CARD14: variants seen among roughly 807,000 people sequenced by gnomAD.
CARD14 encodes caspase recruitment domain family member 14, also known as caspase recruitment domain-containing protein 14.
A neutral mutation model predicts 111.5 loss-of-function variants in CARD14; 107 were observed. The ratio of observed to expected loss-of-function variants is 0.96; its 90% CI spans 0.82 to 1.13. The LOEUF (loss-of-function observed/expected upper bound fraction) is 1.13. Among genes scored for constraint, CARD14 ranks in the 50% most tolerant of loss-of-function variants. CARD14 has a pLI of 0.00. For missense variants in CARD14, 1,322 were observed against 1,362.3 expected, an observed-to-expected ratio of 0.97 and a Z score of 0.47; for synonymous variants, 617 against 579.6, an observed-to-expected ratio of 1.06 and a Z score of -0.93.
chr17:80,208,274 C>G lies in CARD14; in HGVS notation c.2944C>G (p.Leu982Val). The stretch of plus-strand genomic sequence containing the variant: ...CGGCTGGAGCGACCTGGACGGCCTG[C>G]TCAGCTGTGTCCGCCAGGCCATCGC... ...PDGWSDLDGL[L>V]SCVRQAIADE... Residue 982 changes from leucine to valine, a missense_variant, in exon 24 of 24, where the codon CTC (leucine) becomes GTC (valine). Coordinates refer to ENST00000648509, the MANE Select transcript of CARD14 (RefSeq NM_001366385.1). 1 of 1,597,640 alleles carries G rather than the reference C, an allele frequency of 6.3e-7. No homozygotes were observed. Among genetic ancestry groups the G allele is most frequent in the Non-Finnish European group, 8.5e-7 (1 of 1,173,864 alleles).
rs1295470286 is a variant in CARD14, at chr17:80,198,161, A to G, written c.1657A>G (p.Ser553Gly). The G allele has an allele frequency of 1.9e-6, 3 of 1,613,816 alleles. No homozygotes were observed. The highest frequency in any genetic ancestry group is 8.5e-7 in the Non-Finnish European group (1 of 1,179,984). ...CCCTGGAAGGCTTGATGTCTCGGAG[A>G]GGTAAGCAGCAGGTGGGAATCCTCC... ...VSPGRLDVSE[S>G]GVLMRRRPAR... Residue 553 changes from serine to glycine, a missense_variant and splice_region_variant, in exon 15 of 24, where the codon AGC becomes GGC. By Grantham distance (56) the Ser-to-Gly change is moderately conservative. Transcript: ENST00000648509. This position sits in a 1 kb window ranked among gnomAD's most constrained non-coding sequence, Gnocchi z 7.5.
At position 80,179,085 on chromosome 17, in the gene CARD14, G is replaced by C. The variant is rs2040092200; in HGVS notation, c.-218-19G>C. The C allele has an allele frequency of 6.6e-6, 1 of 152,162 alleles. No individual in the cohort carries two copies. Among genetic ancestry groups the C allele is most frequent in the African/African-American group, 2.4e-5 (1 of 41,416 alleles). 9.4% of individuals were successfully genotyped at this position (152,162 alleles called of 1,614,324 possible). A position where few individuals can be genotyped will look rare whatever the true frequency, so the allele number is the denominator to read the frequency against. On this transcript the variant is annotated intron_variant, in intron 3 of 23. Coordinates refer to ENST00000648509, the MANE Select transcript of CARD14 (RefSeq NM_001366385.1). ...CAGATGACAGGTGTTGATTTGCTCT[G>C]ATTTTCAAGTATTTTTAGCATACAG...
chr17:80,192,390 G>A, intron 11 of CARD14, 113 bp from the exon 12 acceptor site: 1 of 693,836 alleles, frequency 1.4e-6, no homozygotes, highest in South Asian at 2.0e-5. Context: ...AAGCTGACGA[G>A]AGGAAACTGC....
chr17:80,202,032 T>A, intron 17 of CARD14, 148 bp from the exon 18 acceptor site: 1 of 1,224,284 alleles, frequency 8.2e-7, no homozygotes, highest in Non-Finnish European at 1.1e-6. Flanking sequence ...CCAAGCCAGC[T>A]GGAAACCTCC....
rs55775426 is a variant in CARD14 at position 80,191,208 on chromosome 17, G to A, written c.1090-115G>A. On this transcript the variant is annotated intron_variant, in intron 10 of 23. Transcript: ENST00000648509. ...GAATCTTAAGTTTGCACAGCTCAGC[G>A]TGGGCCATTTAGTGGATGTCAGATG... 0.041 allele frequency: 52,820 copies of A among 1,274,584 alleles called. 1,265 individuals are homozygous for A. Among genetic ancestry groups the A allele is most frequent in the Non-Finnish European group, 0.047 (42,376 of 900,000 alleles). The allele number at this position is 1,274,584 out of a possible 1,614,324, so 79.0% of individuals were successfully genotyped here.
chr17:80,170,213 C>T, intron 1 of CARD14, 157 bp downstream of exon 1: 1 of 152,168 alleles, frequency 6.6e-6, no homozygotes, highest in African/African-American at 2.4e-5. Context: ...GAGGAGCTGC[C>T]TTGTATGTGG....
At position 80,198,786 on chromosome 17, in the gene CARD14, T is replaced by C. The variant is rs769418137; in HGVS notation, c.1851+195T>C. 1.3e-6 allele frequency: 2 copies of C among 1,494,804 alleles called. No homozygotes were observed. The highest frequency in any genetic ancestry group is 1.8e-6 in the Non-Finnish European group (2 of 1,127,296). 92.6% of individuals were successfully genotyped at this position (1,494,804 alleles called of 1,614,324 possible). On this transcript the variant is annotated intron_variant, in intron 16 of 23. Transcript: ENST00000648509. This position sits in a 1 kb window ranked among gnomAD's most constrained non-coding sequence, Gnocchi z 7.5. ...GAGTCGTGCCGTGCAGAACCCAGCA[T>C]GTCACCCGTGGTGCTGCTGCCATGC...
chr17:80,191,364 G>A lies in CARD14; in HGVS notation c.1131G>A (p.Gln377=). The change falls in exon 11 of 24, where the codon CAG becomes CAA. Residue 377 remains glutamine (Q), a synonymous_variant. Coordinates refer to ENST00000648509, the MANE Select transcript of CARD14 (RefSeq NM_001366385.1). ...ARDSAQREIS[Q]SLVEKDSLRR... ...ACAGTGCTCAGAGGGAGATTTCCCA[G>A]AGCCTGGTGGAGAAGGACTCCCTCC... 1 of 1,613,964 alleles carries A rather than the reference G, an allele frequency of 6.2e-7. No individual in the cohort carries two copies. Among genetic ancestry groups the A allele is most frequent in the African/African-American group, 1.3e-5 (1 of 75,080 alleles).
chr17:80,194,793 T>C (rs2144308981), intron 12 of CARD14, among the ~76,000 whole-genome samples: 1 of 152,302 alleles, frequency 6.6e-6, no homozygotes, highest in East Asian at 1.9e-4. Context: ...ACGGACCCCA[T>C]GATTCAGTTA....
intron 5 of CARD14, 136 bp downstream of exon 5, chr17:80,181,785 C>T: frequency 2.7e-6 from 2 of 747,036 alleles, no homozygotes; most frequent in Non-Finnish European, 4.2e-6. Context: ...TTAGGGCCCA[C>T]CTGGATAACC....
At chr17:80,175,952 GTTTTTTTTTTTTTTTTTTTTTTTTTTT>G (rs531556673) in intron 2 of CARD14, among the ~76,000 whole-genome samples, 1 of 53,472 alleles carries the variant, frequency 1.9e-5, no homozygotes, top group Non-Finnish European at 3.3e-5. Flanking sequence ...CTCTCGGATC[GTTTTTTTTTTTTTTTTTTTTTTTTTTT>G]TTTTTTTTTT....
At chr17:80,187,264 AG>A (rs2040374008) in intron 7 of CARD14, among the ~76,000 whole-genome samples, 1 of 152,184 alleles carries the variant, frequency 6.6e-6, no homozygotes, top group Non-Finnish European at 1.5e-5. Flanking sequence ...TGCCATTAAC[AG>A]CCCCGCTAAG....
At position 80,203,776 on chromosome 17, in the gene CARD14, A is replaced by G; in HGVS notation, c.2220-46A>G. 1 of 1,501,020 alleles carries G rather than the reference A, an allele frequency of 6.7e-7. No individual in the cohort carries two copies. The allele number at this position is 1,501,020 out of a possible 1,614,324, so 93.0% of individuals were successfully genotyped here. On this transcript the variant is annotated intron_variant, in intron 18 of 23. Transcript: ENST00000648509. This position sits in a 1 kb window ranked among gnomAD's most constrained non-coding sequence, Gnocchi z 4.6. ...TGCTCGGCTCTCCCCTGCCCTGCTC[A>G]CCTGGCAGGAGGCAGCTGGGTCAGG...
chr17:80,195,299 G>T lies in CARD14; in HGVS notation c.1465G>T (p.Ala489Ser). The T allele has an allele frequency of 1.2e-6, 2 of 1,612,812 alleles. No individual in the cohort carries two copies. The highest frequency in any genetic ancestry group is 1.7e-6 in the Non-Finnish European group (2 of 1,179,644). The part of the protein sequence containing the change: ...PSQQSLYKRV[A>S]EDFGEEPWSF... The stretch of plus-strand genomic sequence containing the variant: ...CCAGCAGTCCCTGTACAAGCGGGTG[G>T]CCGAGGACTTCGGGGAAGAACCCTG... Residue 489 changes from alanine to serine, a missense_variant, in exon 13 of 24, where the codon GCC becomes TCC. Transcript: ENST00000648509. This position sits in a 1 kb window ranked among gnomAD's most constrained non-coding sequence, Gnocchi z 4.7.
In CARD14 at chr17:80,176,191, A is replaced by C. The variant is rs2040022626; in HGVS notation, c.-366-2317A>C. On this transcript the variant is annotated intron_variant, in intron 2 of 23. Transcript: ENST00000648509. The stretch of plus-strand genomic sequence containing the variant: ...ACACCTATAATCCTAGCACTTTCGG[A>C]GGCTGAGGGGGGAGGATCACTTGAG... Among the ~76,000 whole-genome samples, 6 of 148,684 alleles carry C rather than the reference A, an allele frequency of 4.0e-5. No homozygotes were observed. In the South Asian group the frequency reaches 1.3e-3, roughly 32 times the overall value.
chr17:80,207,260 CCT>C (rs1396564111), intron 23 of CARD14, among the ~76,000 whole-genome samples, 175 bp downstream of exon 23: 15 of 152,092 alleles, frequency 9.9e-5, no homozygotes, highest in African/African-American at 2.9e-4. Flanking sequence ...ATGAGATTCC[CCT>C]GATTTTGGCC....
At position 80,188,680 on chromosome 17, in the gene CARD14, C is replaced by A; in HGVS notation, c.843+136C>A. On this transcript the variant is annotated intron_variant, in intron 8 of 23. Coordinates refer to ENST00000648509, the MANE Select transcript of CARD14 (RefSeq NM_001366385.1). The surrounding 1 kb of genome is among the most constrained non-coding windows in gnomAD (Gnocchi z 4.5). ...ATGAAATTTAGTGACTCATCTCACCCACTTTCTCTTTACCTCCTTCCTTCC... is the reference window on the plus strand; with the variant it reads ...ATGAAATTTAGTGACTCATCTCACCAACTTTCTCTTTACCTCCTTCCTTCC... The A allele has an allele frequency of 1.1e-6, 1 of 894,942 alleles. No individual in the cohort carries two copies. The highest frequency in any genetic ancestry group is 1.5e-6 in the Non-Finnish European group (1 of 661,418). 55.4% of individuals were successfully genotyped at this position (894,942 alleles called of 1,614,324 possible). A position where few individuals can be genotyped will look rare whatever the true frequency, so the allele number is the denominator to read the frequency against.
chr17:80,187,854 GC>G (rs1241976012), intron 7 of CARD14: 72 of 985,384 alleles, frequency 7.3e-5, no homozygotes, highest in Non-Finnish European at 8.7e-5. Flanking sequence ...GAAGGCCAGG[GC>G]CCTGCACACA....
rs568654245 is a variant in CARD14, at chr17:80,180,105, G to A, written c.-21+804G>A. Among the ~76,000 whole-genome samples, 24 of 152,280 alleles carry A rather than the reference G, an allele frequency of 1.6e-4. No individual in the cohort carries two copies. In the South Asian group the frequency reaches 4.4e-3, roughly 28 times the overall value. The stretch of plus-strand genomic sequence containing the variant: ...AATGGCCTCATGTTGATGCCAGAGA[G>A]GGGCTCAGGCAGGGGCACAGTGGGG... On this transcript the variant is annotated intron_variant, in intron 4 of 23. Transcript: ENST00000648509.
Sources: allele counts gnomAD v4.1 joint callset (sites outside exome capture counted in the v4.1 genomes callset), GRCh38; gene constraint gnomAD v4.1.1; non-coding constraint Gnocchi (gnomAD v3.1); transcripts MANE v1.5; gene names NCBI Gene and HGNC (gene_info 2026-07-23, HGNC 2026-07-21).